ADGRL2: variants seen among roughly 807,000 people sequenced by gnomAD.
ADGRL2 encodes the protein adhesion G protein-coupled receptor L2.
ADGRL2 carries 44 observed loss-of-function variants against 157.4 expected under a neutral mutation model. The observed-to-expected ratio is 0.28, with a 90% CI of 0.22 to 0.36. The LOEUF is 0.36. Ranked by LOEUF, ADGRL2 falls within the 10% of genes least tolerant of loss-of-function variation. The pLI is 1.00. For synonymous variants in ADGRL2, 585 were observed against 624.7 expected (o/e 0.94, Z 0.95); for missense variants, 1,510 against 1,768.9 (o/e 0.85, Z 2.63).
In ADGRL2 at chr1:81,378,177, CAA is replaced by C. The variant is rs71088208; in HGVS notation, c.-301-66846_-301-66845del. On this transcript the variant is annotated intron_variant, in intron 1 of 24. Coordinates refer to the ADGRL2 transcript ENST00000370721. ...TTGGCAATAGAGAGAGACTCTGTCT[CAA>C]AAAAAAAAAAAAGAATGCCACAATG... Among the ~76,000 whole-genome samples, 438 of 146,260 alleles carry C rather than the reference CAA, an allele frequency of 3.0e-3. 1 individual carries two copies. Among genetic ancestry groups the C allele is most frequent in the East Asian group, 3.0e-3 (15 of 5,022 alleles).
At chr1:81,960,892 C>T (rs1024459455) in intron 11 of ADGRL2, among the ~76,000 whole-genome samples, 1 of 152,174 alleles carries the variant, frequency 6.6e-6, no homozygotes, top group African/African-American at 2.4e-5. Context: ...GTTTACTACT[C>T]CTTCCTGCTG....
intron 2 of ADGRL2, among the ~76,000 whole-genome samples, chr1:81,899,544 G>T (rs530228852): frequency 1.3e-5 from 2 of 152,182 alleles, no homozygotes; most frequent in East Asian, 3.9e-4. Flanking sequence ...GGAGAAAATG[G>T]AGCAAAACAG....
chr1:81,963,616 G>T (rs1006397882), intron 11 of ADGRL2, among the ~76,000 whole-genome samples: 1 of 151,574 alleles, frequency 6.6e-6, no homozygotes, highest in Non-Finnish European at 1.5e-5. Flanking sequence ...ACATTAAGTG[G>T]ATGTTGAAAT....
chr1:81,358,794 A>C (rs942807173), intron 1 of ADGRL2, among the ~76,000 whole-genome samples: 2 of 152,186 alleles, frequency 1.3e-5, no homozygotes, highest in Admixed American at 1.3e-4. Flanking sequence ...ATAGGAAAGC[A>C]AGATAGTAAT....
intron 1 of ADGRL2, among the ~76,000 whole-genome samples, chr1:81,421,022 T>G (rs1187577195): frequency 6.6e-6 from 1 of 152,108 alleles, no homozygotes; most frequent in Non-Finnish European, 1.5e-5. Flanking sequence ...ACAAAAAACC[T>G]CAAATAGCAT....
chr1:81,719,412 T>C (rs967733502), intron 1 of ADGRL2, among the ~76,000 whole-genome samples: 1 of 152,236 alleles, frequency 6.6e-6, no homozygotes, highest in Admixed American at 6.5e-5. Flanking sequence ...TTTATCTTCG[T>C]CTACACATAG....
rs182440768 is a variant in ADGRL2 at position 81,599,670 on chromosome 1, T to A, written c.-143+18690T>A. ...ATCTTTCCATACAGTTTAATTTTTT[T>A]TAAAAAATTCATCATCATCTATTGT... is the stretch of plus-strand genomic sequence containing the variant. On this transcript the variant is annotated intron_variant, in intron 3 of 24. Coordinates refer to the ADGRL2 transcript ENST00000370721. Among the ~76,000 whole-genome samples, 1,434 of 152,214 alleles carry A rather than the reference T, an allele frequency of 9.4e-3. 34 individuals carry two copies. The highest frequency in any genetic ancestry group is 0.032 in the African/African-American group (1,347 of 41,520).
intron 1 of ADGRL2, among the ~76,000 whole-genome samples, chr1:81,377,612 T>C (rs563176546): frequency 2.0e-5 from 3 of 152,278 alleles, no homozygotes; most frequent in African/African-American, 7.2e-5. Flanking sequence ...GCAGGGGTCA[T>C]GATACGCACG....
intron 23 of ADGRL2, chr1:81,990,150 A>G: frequency 4.1e-6 from 4 of 985,318 alleles, no homozygotes; most frequent in Non-Finnish European, 4.8e-6. Flanking sequence ...TTGATAAAGT[A>G]TTACTCTGTA....
At chr1:81,907,360 CCTA>C (rs2094604565) in intron 3 of ADGRL2, 130 bp downstream of exon 3, 6 of 665,984 alleles carry the variant, frequency 9.0e-6, no homozygotes, top group Non-Finnish European at 1.6e-5. Context: ...TGGGTTTTTA[CCTA>C]CTAATGTTGA....
intron 1 of ADGRL2, among the ~76,000 whole-genome samples, chr1:81,420,484 G>A (rs190782258): frequency 3.9e-4 from 60 of 152,240 alleles, no homozygotes; most frequent in Middle Eastern, 6.8e-3. Flanking sequence ...TTGAAACCAG[G>A]AACACTTCTT....
intron 1 of ADGRL2, among the ~76,000 whole-genome samples, chr1:81,390,332 A>G (rs561331686): frequency 6.2e-4 from 94 of 152,358 alleles, no homozygotes; most frequent in Non-Finnish European, 1.1e-3. Context: ...TGTTCATTCT[A>G]CTGACTGAAG....
rs1664493137 is a variant in ADGRL2, at chr1:81,990,936, G to A, written c.4201G>A (p.Glu1401Lys). 2 of 1,614,056 alleles carry A rather than the reference G, an allele frequency of 1.2e-6. No homozygotes were observed. The highest frequency in any genetic ancestry group is 1.7e-6 in the Non-Finnish European group (2 of 1,179,988). Residue 1401 changes from glutamate to lysine, a missense_variant, in exon 24 of 24, where the codon GAA becomes AAA. By Grantham distance (56) the Glu-to-Lys change is moderately conservative. Transcript: ENST00000686636. ...SPYPESSPDM[E>K]EDLSPSRRSE... ...CTATCCGGAGAGCAGCCCTGACATG[G>A]AAGAAGACCTCTCTCCCTCCAGGAG...
chr1:81,686,509 AT>A (rs1433793729), intron 3 of ADGRL2, among the ~76,000 whole-genome samples: 1 of 152,076 alleles, frequency 6.6e-6, no homozygotes, highest in East Asian at 1.9e-4. Flanking sequence ...CAGTGAAGTT[AT>A]TTGGATTTTC....
At chr1:81,719,130 G>A (rs2084212234) in intron 1 of ADGRL2, among the ~76,000 whole-genome samples, 1 of 152,208 alleles carries the variant, frequency 6.6e-6, no homozygotes, top group Admixed American at 6.5e-5. Context: ...GTGTAATAAT[G>A]GGTTCTTTAA....
At chr1:81,805,611 A>G (rs748313271) in intron 1 of ADGRL2, among the ~76,000 whole-genome samples, 5 of 151,530 alleles carry the variant, frequency 3.3e-5, no homozygotes, top group Non-Finnish European at 7.4e-5. Context: ...TTGGATTACA[A>G]TTAGGGTTTT....
At chr1:81,461,936 G>GT (rs1470161115) in intron 2 of ADGRL2, among the ~76,000 whole-genome samples, 1 of 146,832 alleles carries the variant, frequency 6.8e-6, no homozygotes, top group Non-Finnish European at 1.5e-5. Flanking sequence ...AGAAAGGGGG[G>GT]GGGGGGTGGT....
At chr1:81,949,649 G>T (rs1651100002) in intron 6 of ADGRL2, among the ~76,000 whole-genome samples, 1 of 152,132 alleles carries the variant, frequency 6.6e-6, no homozygotes, top group Non-Finnish European at 1.5e-5. Flanking sequence ...GATCTAATCA[G>T]GCATGCTGAT....
chr1:81,614,801 T>G (rs1306717181), intron 3 of ADGRL2, among the ~76,000 whole-genome samples: 10 of 151,570 alleles, frequency 6.6e-5, no homozygotes, highest in African/African-American at 2.4e-4. Flanking sequence ...GAGGCAGATG[T>G]TCAAGACCAG....
Sources: allele counts gnomAD v4.1 joint callset (sites outside exome capture counted in the v4.1 genomes callset), GRCh38; gene constraint gnomAD v4.1.1; transcripts MANE v1.5; gene names NCBI Gene and HGNC (gene_info 2026-07-23, HGNC 2026-07-21).